ERC2: variants seen among roughly 807,000 people sequenced by gnomAD.
The protein encoded by ERC2 is ERC protein 2.
Under a neutral mutation model 114.8 loss-of-function variants are expected in ERC2, and 42 were observed. The observed-to-expected ratio is 0.37, with a 90% CI of 0.29 to 0.47. The LOEUF (loss-of-function observed/expected upper bound fraction) is 0.47, where lower values mean the gene tolerates loss of function less well. ERC2 is among the 20% of genes least tolerant of loss of function. The pLI is 0.99. For missense variants in ERC2, 939 were observed against 1,150.7 expected (o/e 0.82, Z 2.66); for synonymous variants, 454 against 425.5 (o/e 1.07, Z -0.82).
chr3:55,961,963 A>C (rs1033826785), intron 12 of ERC2, among the ~76,000 whole-genome samples: 4 of 151,818 alleles, frequency 2.6e-5, no homozygotes, highest in African/African-American at 9.7e-5. Context: ...GCCAAGCCAC[A>C]CTGGCCTTCC....
chr3:56,357,339 T>C (rs2058783420), intron 2 of ERC2, among the ~76,000 whole-genome samples: 1 of 152,182 alleles, frequency 6.6e-6, no homozygotes, highest in African/African-American at 2.4e-5. Flanking sequence ...TTAATTTCTA[T>C]TCTCACGTGA....
intron 14 of ERC2, among the ~76,000 whole-genome samples, chr3:55,759,443 C>T (rs189901500): frequency 1.3e-3 from 143 of 109,032 alleles, no homozygotes; most frequent in African/African-American, 4.9e-3. Context: ...CCAGCTGGGA[C>T]GTTTTAAGTC....
intron 2 of ERC2, among the ~76,000 whole-genome samples, chr3:56,430,301 T>C (rs1346686091): frequency 6.6e-6 from 1 of 152,210 alleles, no homozygotes; most frequent in East Asian, 1.9e-4. Context: ...ATTTTTCCTT[T>C]AAAAGGAAAT....
chr3:56,169,178 A>C (rs2082489119), intron 4 of ERC2, among the ~76,000 whole-genome samples: 1 of 151,948 alleles, frequency 6.6e-6, no homozygotes, highest in Non-Finnish European at 1.5e-5. Flanking sequence ...ACCCTTACTA[A>C]AAACCTTTTA....
intron 7 of ERC2, among the ~76,000 whole-genome samples, chr3:56,074,788 T>C (rs974529656): frequency 1.3e-5 from 2 of 152,160 alleles, no homozygotes; most frequent in African/African-American, 2.4e-5. Flanking sequence ...GAACATACCG[T>C]GCTGGGAACA....
At chr3:55,756,349 G>C (rs2067058973) in intron 14 of ERC2, among the ~76,000 whole-genome samples, 1 of 152,072 alleles carries the variant, frequency 6.6e-6, no homozygotes, top group African/African-American at 2.4e-5. Flanking sequence ...CATGATCTTA[G>C]GTGACTGTAA....
At chr3:56,064,474 C>G (rs902844054) in intron 7 of ERC2, among the ~76,000 whole-genome samples, 1 of 152,208 alleles carries the variant, frequency 6.6e-6, no homozygotes, top group African/African-American at 2.4e-5. Flanking sequence ...TATCTCCACT[C>G]CATGTCAATG....
intron 17 of ERC2, among the ~76,000 whole-genome samples, chr3:55,583,331 T>TTGCCTGCCTGTC (rs1234979975): frequency 2.0e-5 from 3 of 151,554 alleles, no homozygotes; most frequent in Non-Finnish European, 4.4e-5. Context: ...GTGTGGAAGC[T>TTGCCTGCCTGTC]TGCCTGCCTG....
intron 17 of ERC2, among the ~76,000 whole-genome samples, chr3:55,671,951 G>A (rs2061578601): frequency 6.6e-6 from 1 of 152,178 alleles, no homozygotes. Flanking sequence ...CTGGCCTATT[G>A]AAGGCTCTGA....
intron 3 of ERC2, among the ~76,000 whole-genome samples, chr3:56,247,979 A>G (rs2051836157): frequency 6.6e-6 from 1 of 152,252 alleles, no homozygotes; most frequent in Admixed American, 6.5e-5. Context: ...GGCATTCCAC[A>G]TGAGGTGACT....
intron 4 of ERC2, among the ~76,000 whole-genome samples, chr3:56,170,763 A>ATT (rs71099618): frequency 0.32 from 38,034 of 118,222 alleles, 7,697 homozygotes; most frequent in Middle Eastern, 0.43. Context: ...CACCTGGCTA[A>ATT]TTTTTTTTTT....
chr3:56,032,989 A>AAG lies in ERC2; in HGVS notation c.1642-13960_1642-13959dup, dbSNP rs1441609071. ...AGAAAGAAAGAAAGAGAAAGAAAGAAAGAAAGAAAGAAAGAAAGAAAGAAA... is the reference window on the plus strand; with the variant it reads ...AGAAAGAAAGAAAGAGAAAGAAAGAAAGAGAAAGAAAGAAAGAAAGAAAGAAA... On this transcript the variant is annotated intron_variant, in intron 7 of 17. Coordinates refer to ENST00000288221, the MANE Select transcript of ERC2 (RefSeq NM_015576.3). 3.8e-3 allele frequency among the ~76,000 whole-genome samples: 434 copies of AAG among 115,056 alleles called. 6 individuals are homozygous for AAG. The highest frequency in any genetic ancestry group is 5.9e-3 in the South Asian group (22 of 3,728). 75.5% of individuals were successfully genotyped at this position (115,056 alleles called of 152,430 possible).
intron 17 of ERC2, among the ~76,000 whole-genome samples, chr3:55,528,778 T>G (rs925650551): frequency 3.3e-5 from 5 of 151,816 alleles, no homozygotes; most frequent in African/African-American, 1.2e-4. Flanking sequence ...GCTCTATGAA[T>G]TACAGGATGT....
chr3:56,200,677 A>T (rs2048357240), intron 3 of ERC2, among the ~76,000 whole-genome samples: 1 of 152,192 alleles, frequency 6.6e-6, no homozygotes, highest in Non-Finnish European at 1.5e-5. Flanking sequence ...AATACTCCAT[A>T]GATACAAAAG....
intron 3 of ERC2, among the ~76,000 whole-genome samples, chr3:56,229,750 T>C (rs1221375000): frequency 2.0e-5 from 3 of 152,058 alleles, no homozygotes; most frequent in Admixed American, 1.3e-4. Flanking sequence ...TAAATTTTAT[T>C]GTGCAAGGAA....
At position 56,434,650 on chromosome 3, in the gene ERC2, G is replaced by T; in HGVS notation, c.358C>A (p.Gln120Lys). Residue 120 changes from glutamine to lysine, a missense_variant, in exon 2 of 18, where the codon CAA (glutamine) becomes AAA (lysine). Gln to Lys is a moderately conservative substitution (Grantham distance 53). This residue lies in a region of ERC2 where 281 missense variants were observed against 307.4 expected (regional missense o/e 0.91). Coordinates refer to ENST00000288221, the MANE Select transcript of ERC2 (RefSeq NM_015576.3). ...GATGAGCCAGTCAGCCCACCATGTTGATCTGTGTATGAAAGGACATCTGTG... is the reference window on the plus strand; with the variant it reads ...GATGAGCCAGTCAGCCCACCATGTTTATCTGTGTATGAAAGGACATCTGTG... ...SHTDVLSYTD[Q>K]HGGLTGSSHH... is the part of the protein sequence containing the mutation. 6.2e-7 allele frequency: 1 copy of T among 1,613,976 alleles called. No homozygotes were observed. The highest frequency in any genetic ancestry group is 1.3e-5 in the African/African-American group (1 of 75,048).
intron 13 of ERC2, among the ~76,000 whole-genome samples, chr3:55,946,933 C>T (rs1463198428): frequency 2.6e-5 from 4 of 152,156 alleles, no homozygotes; most frequent in African/African-American, 4.8e-5. Flanking sequence ...GAGTCAAGTT[C>T]GGCTAACTAG....
intron 3 of ERC2, among the ~76,000 whole-genome samples, chr3:56,234,214 G>T (rs2050799197): frequency 6.6e-6 from 1 of 152,188 alleles, no homozygotes; most frequent in African/African-American, 2.4e-5. Context: ...GTAGCAGCAT[G>T]AAATAAACTC....
intron 17 of ERC2, among the ~76,000 whole-genome samples, chr3:55,543,206 G>A (rs939962740): frequency 6.6e-6 from 1 of 152,192 alleles, no homozygotes; most frequent in Admixed American, 6.5e-5. Flanking sequence ...TGGAGGAGCT[G>A]TCTCGGATGG....
Sources: gnomAD v4.1 joint callset for allele counts (sites outside exome capture counted in the v4.1 genomes callset) on GRCh38, gnomAD v4.1.1 for gene constraint, gnomAD v4.1.1 regional missense constraint, MANE v1.5 for transcripts, NCBI Gene and HGNC (gene_info 2026-07-23, HGNC 2026-07-21) for gene names.